The following ASIC2 variants were observed in gnomAD, a reference collection of about 807,000 sequenced individuals.
The protein encoded by ASIC2 is acid-sensing ion channel 2.
ASIC2 carries 25 observed loss-of-function variants against 57.3 expected under a neutral mutation model. The observed-to-expected ratio is 0.44, with a 90% confidence interval of 0.32 to 0.61. The LOEUF is 0.61. Among genes scored for constraint, ASIC2 ranks in the 20% least tolerant of loss-of-function variants. The probability of loss-of-function intolerance (pLI) is 0.06; values close to 1 mark genes in which losing one functional copy is unlikely to be tolerated. For synonymous variants in ASIC2, 319 were observed against 307.5 expected, an observed-to-expected ratio of 1.04 and a Z score of -0.39; for missense variants, 641 against 738.1, an observed-to-expected ratio of 0.87 and a Z score of 1.52.
chr17:33,340,367 T>C (rs1907676818), intron 1 of ASIC2, among the ~76,000 whole-genome samples: 1 of 152,170 alleles, frequency 6.6e-6, no homozygotes. Flanking sequence ...GTAGGGATGA[T>C]AATTATAATA....
intron 1 of ASIC2, among the ~76,000 whole-genome samples, chr17:34,086,539 T>C (rs542238822): frequency 1.5e-3 from 226 of 152,282 alleles, no homozygotes; most frequent in Middle Eastern, 0.01. Flanking sequence ...GAGAGTTCTG[T>C]AGATGTCTAT....
chr17:33,706,986 A>G (rs1280314670), intron 1 of ASIC2, among the ~76,000 whole-genome samples: 1 of 152,232 alleles, frequency 6.6e-6, no homozygotes, highest in Non-Finnish European at 1.5e-5. Context: ...GAAAGGGTGA[A>G]TGCTGTGAAA....
intron 1 of ASIC2, among the ~76,000 whole-genome samples, chr17:33,847,758 G>A (rs753843903): frequency 1.7e-4 from 26 of 152,158 alleles, no homozygotes; most frequent in African/African-American, 3.1e-4. Flanking sequence ...GACAAGGCCC[G>A]GTGATGCACA....
At chr17:33,455,807 A>G (rs1453476506) in intron 1 of ASIC2, among the ~76,000 whole-genome samples, 2 of 152,238 alleles carry the variant, frequency 1.3e-5, no homozygotes, top group Non-Finnish European at 2.9e-5. Flanking sequence ...GACTGACTAG[A>G]TGATGTCCTG....
At chr17:33,353,675 C>G (rs1018219479) in intron 1 of ASIC2, among the ~76,000 whole-genome samples, 1 of 152,156 alleles carries the variant, frequency 6.6e-6, no homozygotes, top group African/African-American at 2.4e-5. Context: ...CCAAATGTCA[C>G]TTTTTCCTCT....
chr17:33,895,751 G>C (rs1597920548), intron 1 of ASIC2, among the ~76,000 whole-genome samples: 1 of 152,290 alleles, frequency 6.6e-6, no homozygotes, highest in East Asian at 1.9e-4. Context: ...ACCATGCTGT[G>C]ATTTGGTATC....
At chr17:33,074,551 T>C (rs929349278) in intron 3 of ASIC2, among the ~76,000 whole-genome samples, 1 of 152,184 alleles carries the variant, frequency 6.6e-6, no homozygotes, top group Non-Finnish European at 1.5e-5. Flanking sequence ...TCTAGGTTCC[T>C]CTATCTCTGA....
At chr17:33,866,701 C>T (rs907434448) in intron 1 of ASIC2, among the ~76,000 whole-genome samples, 5 of 152,126 alleles carry the variant, frequency 3.3e-5, no homozygotes, top group East Asian at 3.9e-4. Context: ...AATGTAGGAT[C>T]CCTGACTGAT....
chr17:33,665,040 T>C (rs1907424498), intron 1 of ASIC2, among the ~76,000 whole-genome samples: 1 of 151,696 alleles, frequency 6.6e-6, no homozygotes, highest in African/African-American at 2.4e-5. Context: ...ATAAAAATTT[T>C]ATTTTTTTTT....
At chr17:33,344,607 T>A (rs1258266321) in intron 1 of ASIC2, among the ~76,000 whole-genome samples, 1 of 152,178 alleles carries the variant, frequency 6.6e-6, no homozygotes, top group Non-Finnish European at 1.5e-5. Flanking sequence ...AAAGTCCCTG[T>A]CTTGCAGGGT....
chr17:33,464,480 C>CTT (rs1318737493), intron 1 of ASIC2, among the ~76,000 whole-genome samples: 1,144 of 73,468 alleles, frequency 0.016, 64 homozygotes, highest in East Asian at 0.077. Flanking sequence ...TCTTTCTTTT[C>CTT]TCTCTTTCTT....
At chr17:33,111,767 G>T in intron 2 of ASIC2, 150 bp downstream of exon 2, 1 of 1,166,628 alleles carries the variant, frequency 8.6e-7, no homozygotes, top group Non-Finnish European at 1.2e-6. Flanking sequence ...GCCCAAGCCA[G>T]GGACATCTTT....
intron 2 of ASIC2, among the ~76,000 whole-genome samples, chr17:33,098,031 A>G (rs769164747): frequency 1.4e-4 from 22 of 152,188 alleles, no homozygotes; most frequent in Admixed American, 1.4e-3. Context: ...TCTTAGTCCC[A>G]CTACCTAATT....
chr17:33,860,331 C>T lies in ASIC2; in HGVS notation c.555+295647G>A, dbSNP rs552339835. ...ATAAAGTCAAGCAAAATAAGCATTACCTTCCTTTCTGGGTCTGATCCTCTC... is the reference window on the plus strand; with the variant it reads ...ATAAAGTCAAGCAAAATAAGCATTATCTTCCTTTCTGGGTCTGATCCTCTC... On this transcript the variant is annotated intron_variant, in intron 1 of 9. Transcript: ENST00000359872. Among the ~76,000 whole-genome samples, 54 of 152,256 alleles carry T rather than the reference C, an allele frequency of 3.5e-4. 1 individual carries two copies. Among genetic ancestry groups the T allele is most frequent in the Admixed American group, 3.0e-3 (46 of 15,282 alleles).
Position 33,943,715 on chromosome 17 carries a change from G to A in ASIC2, c.555+212263C>T, listed in dbSNP as rs529236184. Among the ~76,000 whole-genome samples the A allele has an allele frequency of 6.5e-3, 892 of 137,676 alleles. 15 individuals are homozygous for A. Among genetic ancestry groups the A allele is most frequent in the African/African-American group, 0.022 (823 of 37,620 alleles). The allele number at this position is 137,676 out of a possible 152,430, so 90.3% of individuals were successfully genotyped here. On this transcript the variant is annotated intron_variant, in intron 1 of 9. Coordinates refer to the ASIC2 transcript ENST00000359872. The stretch of plus-strand genomic sequence containing the variant: ...AGTAAAAAAAAAAAAAAAAAAAATG[G>A]AGAAAATAACCACAGCTGCTAGCTC...
intron 1 of ASIC2, among the ~76,000 whole-genome samples, chr17:33,417,154 G>A (rs926241635): frequency 6.6e-6 from 1 of 152,166 alleles, no homozygotes; most frequent in South Asian, 2.1e-4. Flanking sequence ...CTAGTAGGAC[G>A]CTGGAGGACT....
At chr17:33,195,189 A>G (rs1189230542) in intron 1 of ASIC2, among the ~76,000 whole-genome samples, 1 of 152,216 alleles carries the variant, frequency 6.6e-6, no homozygotes, top group Non-Finnish European at 1.5e-5. Context: ...CCCTGAGCAC[A>G]GGCAGCTGGC....
chr17:33,445,633 A>C (rs985168263), intron 1 of ASIC2, among the ~76,000 whole-genome samples: 2 of 151,872 alleles, frequency 1.3e-5, no homozygotes, highest in African/African-American at 4.8e-5. Flanking sequence ...CCCCATCTCT[A>C]CTAAAAATAC....
intron 1 of ASIC2, among the ~76,000 whole-genome samples, chr17:33,231,195 C>A (rs1414983218): frequency 6.6e-6 from 1 of 152,188 alleles, no homozygotes; most frequent in Admixed American, 6.5e-5. Flanking sequence ...GCACCAGGCA[C>A]GTTCTCGCTA....
Sources: gnomAD v4.1 joint callset for allele counts (sites outside exome capture counted in the v4.1 genomes callset) on GRCh38, gnomAD v4.1.1 for gene constraint, MANE v1.5 for transcripts, NCBI Gene and HGNC (gene_info 2026-07-23, HGNC 2026-07-21) for gene names.